KIF13A: variants seen among roughly 807,000 people sequenced by gnomAD.
KIF13A encodes the protein kinesin-like protein KIF13A.
KIF13A carries 79 observed loss-of-function variants against 212.2 expected under a neutral mutation model. That is an observed-to-expected ratio of 0.37 (90% confidence interval 0.31 to 0.45). KIF13A has a LOEUF of 0.45. KIF13A is among the 20% of genes least tolerant of loss of function. The pLI, the probability that KIF13A is intolerant of heterozygous loss-of-function variation, is 1.00. For synonymous variants in KIF13A, 789 were observed against 808.6 expected, an observed-to-expected ratio of 0.98 and a Z score of 0.41; for missense variants, 1,901 against 2,209.0, an observed-to-expected ratio of 0.86 and a Z score of 2.79.
chr6:17,803,710 G>C (rs1175238877), intron 20 of KIF13A, among the ~76,000 whole-genome samples: 3 of 152,164 alleles, frequency 2.0e-5, no homozygotes, highest in African/African-American at 7.2e-5. Flanking sequence ...AGGAACTAGA[G>C]TATATCGCAA....
intron 3 of KIF13A, among the ~76,000 whole-genome samples, chr6:17,876,107 C>T (rs1159440688): frequency 6.6e-6 from 1 of 152,174 alleles, no homozygotes; most frequent in Non-Finnish European, 1.5e-5. Flanking sequence ...TACTTCTCAG[C>T]ATATCCCTTA....
intron 20 of KIF13A, among the ~76,000 whole-genome samples, chr6:17,802,572 G>A (rs1762560028): frequency 6.6e-6 from 1 of 152,022 alleles, no homozygotes; most frequent in Admixed American, 6.5e-5. Context: ...TTACAGGCGT[G>A]AGCCACCACA....
intron 2 of KIF13A, among the ~76,000 whole-genome samples, chr6:17,970,398 T>C (rs1779712624): frequency 6.6e-6 from 1 of 151,764 alleles, no homozygotes; most frequent in African/African-American, 2.4e-5. Context: ...AGGCCAGGAG[T>C]TTGAGACTAG....
chr6:17,769,642 A>G lies in KIF13A; in HGVS notation c.4581+1472T>C, dbSNP rs1759316906. 6.6e-6 allele frequency among the ~76,000 whole-genome samples: 1 copy of G among 152,066 alleles called. No homozygotes were observed. Among genetic ancestry groups the G allele is most frequent in the South Asian group, 2.1e-4 (1 of 4,826 alleles). ...TCCAGCAGTGTCTTGATGGTGTTGT[A>G]CCAAAATGTATCGTTGCAATAGGTT... On this transcript the variant is annotated intron_variant, in intron 38 of 38. Transcript: ENST00000259711. The surrounding 1 kb of genome is among the most constrained non-coding windows in gnomAD (Gnocchi z 5.8).
intron 17 of KIF13A, among the ~76,000 whole-genome samples, chr6:17,813,407 G>C (rs1262467841): frequency 1.3e-5 from 2 of 152,214 alleles, no homozygotes; most frequent in Admixed American, 1.3e-4. Context: ...TTGAACCTGG[G>C]AGATGGAGGT....
chr6:17,794,936 G>A lies in KIF13A; in HGVS notation c.2943-232C>T, dbSNP rs544616017. The A allele has an allele frequency of 5.3e-4, 249 of 468,182 alleles. 2 individuals carry two copies. The highest frequency in any genetic ancestry group is 3.9e-3 in the African/African-American group (196 of 50,618). The allele number at this position is 468,182 out of a possible 1,614,324, so 29.0% of individuals were successfully genotyped here. ...ACATCTTGAGTATAGAGCTCGATGA[G>A]TTTTGAGAAATGCACATATGAGTGT... On this transcript the variant is annotated intron_variant, in intron 23 of 38. Coordinates refer to ENST00000259711, the MANE Select transcript of KIF13A (RefSeq NM_022113.6). The surrounding 1 kb of genome is among the most constrained non-coding windows in gnomAD (Gnocchi z 4.1).
At chr6:17,960,592 G>A (rs1778732626) in intron 2 of KIF13A, among the ~76,000 whole-genome samples, 1 of 152,090 alleles carries the variant, frequency 6.6e-6, no homozygotes, top group African/African-American at 2.4e-5. Context: ...TTGGGGTTGG[G>A]GTACAGGGCA....
intron 13 of KIF13A, 126 bp downstream of exon 13, chr6:17,830,975 C>T: frequency 2.6e-6 from 2 of 773,680 alleles, no homozygotes; most frequent in Non-Finnish European, 4.1e-6. Flanking sequence ...GGGCACTATC[C>T]ATCTTAGTTT....
intron 38 of KIF13A, among the ~76,000 whole-genome samples, chr6:17,766,179 T>G (rs938866826): frequency 6.6e-6 from 1 of 152,066 alleles, no homozygotes; most frequent in South Asian, 2.1e-4. Flanking sequence ...GCCTTACTCA[T>G]TAAGTTTGCA....
chr6:17,854,546 A>ATTTTTTTTTTT (rs36073765), intron 6 of KIF13A, among the ~76,000 whole-genome samples: 1 of 77,094 alleles, frequency 1.3e-5, no homozygotes, highest in Admixed American at 1.9e-4. Flanking sequence ...AATCAGTATA[A>ATTTTTTTTTTT]TTTTTTTTTT....
At position 17,829,097 on chromosome 6, in the gene KIF13A, G is replaced by A. The variant is rs551570474; in HGVS notation, c.1402-727C>T. On this transcript the variant is annotated intron_variant, in intron 13 of 38. Coordinates refer to ENST00000259711, the MANE Select transcript of KIF13A (RefSeq NM_022113.6). This position sits in a 1 kb window ranked among gnomAD's most constrained non-coding sequence, Gnocchi z 5.4. ...TGAGTAGTTGGGATTACAGGTATGC[G>A]CCACCACGTCTGGCTAATTTTTATT... Among the ~76,000 whole-genome samples the A allele has an allele frequency of 7.9e-5, 12 of 152,118 alleles. No individual in the cohort carries two copies. Among genetic ancestry groups the A allele is most frequent in the African/African-American group, 1.9e-4 (8 of 41,498 alleles).
At position 17,987,514 on chromosome 6, in the gene KIF13A, C is replaced by A; in HGVS notation, c.-51G>T. ...GCCGCGCCCGCTCGGCCTTAGGCGG[C>A]CCCTCACGCGCGGCGCCGCCGCCGC... is the stretch of plus-strand genomic sequence containing the variant. On this transcript the variant is annotated 5_prime_UTR_variant, in exon 1 of 39. Coordinates refer to ENST00000259711, the MANE Select transcript of KIF13A (RefSeq NM_022113.6). This position sits in a 1 kb window ranked among gnomAD's most constrained non-coding sequence, Gnocchi z 7.7. The A allele has an allele frequency of 9.6e-7, 1 of 1,039,472 alleles. No individual in the cohort carries two copies. The allele number at this position is 1,039,472 out of a possible 1,614,324, so 64.4% of individuals were successfully genotyped here.
In KIF13A at chr6:17,987,484, C is replaced by A. The variant is rs779214067; in HGVS notation, c.-21G>T. 1 of 1,261,310 alleles carries A rather than the reference C, an allele frequency of 7.9e-7. No individual in the cohort carries two copies. Among genetic ancestry groups the A allele is most frequent in the Non-Finnish European group, 1.0e-6 (1 of 969,952 alleles). The allele number at this position is 1,261,310 out of a possible 1,614,324, so 78.1% of individuals were successfully genotyped here. On this transcript the variant is annotated 5_prime_UTR_variant, in exon 1 of 39. Transcript: ENST00000259711. This position sits in a 1 kb window ranked among gnomAD's most constrained non-coding sequence, Gnocchi z 7.7. Reference sequence around the variant, plus strand: ...GACATGTTGGCTGCGCTCGCCCGGCCGCTCGCCGCGCCCGCTCGGCCTTAG... The same window carrying A: ...GACATGTTGGCTGCGCTCGCCCGGCAGCTCGCCGCGCCCGCTCGGCCTTAG...
rs147480507 is a variant in KIF13A, at chr6:17,865,490, C to G, written c.220+7887G>C. 3.9e-5 allele frequency among the ~76,000 whole-genome samples: 6 copies of G among 152,322 alleles called. 1 individual carries two copies. In the East Asian group the frequency reaches 1.2e-3, roughly 29 times the overall value. The stretch of plus-strand genomic sequence containing the variant: ...CCAGCTCCAAATCAGAGCACCTGGA[C>G]AGCGCAAGACCAGACAGGTTCTTCT... On this transcript the variant is annotated intron_variant, in intron 4 of 38. Coordinates refer to ENST00000259711, the MANE Select transcript of KIF13A (RefSeq NM_022113.6).
chr6:17,864,010 C>T (rs1299062970), intron 4 of KIF13A, among the ~76,000 whole-genome samples: 1 of 152,094 alleles, frequency 6.6e-6, no homozygotes, highest in Non-Finnish European at 1.5e-5. Context: ...AAACGTTTTC[C>T]GACTAGTTTA....
intron 2 of KIF13A, among the ~76,000 whole-genome samples, chr6:17,965,370 G>A (rs1239878019): frequency 6.6e-6 from 1 of 152,098 alleles, no homozygotes; most frequent in East Asian, 1.9e-4. Context: ...ATTCAAATAT[G>A]AAATATCATA....
chr6:17,800,877 T>C (rs1480489437), intron 20 of KIF13A, among the ~76,000 whole-genome samples: 1 of 149,892 alleles, frequency 6.7e-6, no homozygotes. Context: ...GGGATTACAA[T>C]CATAAGCCAC....
rs1406477398 is a variant in KIF13A, at chr6:17,967,584, TG to T, written c.146+19469del. On this transcript the variant is annotated intron_variant, in intron 2 of 38. Coordinates refer to ENST00000259711, the MANE Select transcript of KIF13A (RefSeq NM_022113.6). The surrounding 1 kb of genome is among the most constrained non-coding windows in gnomAD (Gnocchi z 4.1). ...TGCACGTGTCAGGAGCAGAGATGCCTGGTTATCCATTTCCATAGTCATGATG... is the reference window on the plus strand; with the variant it reads ...TGCACGTGTCAGGAGCAGAGATGCCTGTTATCCATTTCCATAGTCATGATG... 6.6e-6 allele frequency among the ~76,000 whole-genome samples: 1 copy of T among 152,196 alleles called. No individual in the cohort carries two copies. The highest frequency in any genetic ancestry group is 1.5e-5 in the Non-Finnish European group (1 of 68,038).
At position 17,871,108 on chromosome 6, in the gene KIF13A, C is replaced by A. The variant is rs774962791; in HGVS notation, c.220+2269G>T. 3.3e-5 allele frequency among the ~76,000 whole-genome samples: 5 copies of A among 152,196 alleles called. No homozygotes were observed. The highest frequency in any genetic ancestry group is 1.2e-4 in the African/African-American group (5 of 41,446). ...TCCTCTTGTCTGGATGCCTTCTAGG[C>A]TTCCCTTTGACTAAACTCTAAACAA... On this transcript the variant is annotated intron_variant, in intron 4 of 38. Coordinates refer to ENST00000259711, the MANE Select transcript of KIF13A (RefSeq NM_022113.6). This position sits in a 1 kb window ranked among gnomAD's most constrained non-coding sequence, Gnocchi z 4.4.
Sources: allele counts gnomAD v4.1 joint callset (sites outside exome capture counted in the v4.1 genomes callset), GRCh38; gene constraint gnomAD v4.1.1; non-coding constraint Gnocchi (gnomAD v3.1); transcripts MANE v1.5; gene names NCBI Gene and HGNC (gene_info 2026-07-23, HGNC 2026-07-21).